IQCK: variants seen among roughly 807,000 people sequenced by gnomAD.
IQCK encodes the protein IQ domain-containing protein K.
In IQCK, 29 loss-of-function variants were observed where a neutral mutation model predicts 28.1. The ratio of observed to expected loss-of-function variants is 1.03; its 90% CI spans 0.77 to 1.41. The LOEUF is 1.41. Ranked by LOEUF, IQCK falls within the 40% of genes most tolerant of loss-of-function variation. The probability of loss-of-function intolerance (pLI) is 0.00; values close to 1 mark genes in which losing one functional copy is unlikely to be tolerated. For synonymous variants in IQCK, 113 were observed against 115.1 expected, an observed-to-expected ratio of 0.98 and a Z score of 0.12; for missense variants, 359 against 314.7, an observed-to-expected ratio of 1.14 and a Z score of -1.07.
At chr16:19,803,525 T>G (rs755637014) in intron 7 of IQCK, among the ~76,000 whole-genome samples, 146 of 152,334 alleles carry the variant, frequency 9.6e-4, no homozygotes, top group Non-Finnish European at 1.8e-3. Context: ...GGAATTGACT[T>G]TGCTACCTAC....
chr16:19,757,643 C>G (rs892280637), intron 4 of IQCK, among the ~76,000 whole-genome samples: 2 of 152,200 alleles, frequency 1.3e-5, no homozygotes, highest in Non-Finnish European at 1.5e-5. Context: ...GCACTCCAGC[C>G]TGGGCAACAG....
intron 7 of IQCK, among the ~76,000 whole-genome samples, chr16:19,804,646 T>G (rs1049861905): frequency 6.6e-6 from 1 of 151,996 alleles, no homozygotes; most frequent in Non-Finnish European, 1.5e-5. Context: ...TGTTGCCTGG[T>G]CTGAAACTCC....
chr16:19,718,895 C>T (rs2151667106), intron 1 of IQCK, among the ~76,000 whole-genome samples: 1 of 152,328 alleles, frequency 6.6e-6, no homozygotes, highest in Admixed American at 6.5e-5. Context: ...AGGGAATCTG[C>T]ACTTTTTAAA....
chr16:19,840,484 C>T (rs2056352479), intron 9 of IQCK, among the ~76,000 whole-genome samples: 1 of 151,994 alleles, frequency 6.6e-6, no homozygotes, highest in Admixed American at 6.6e-5. Context: ...GCCTTTTTTT[C>T]TAAAACAGAA....
intron 9 of IQCK, among the ~76,000 whole-genome samples, chr16:19,843,894 ATATG>A (rs1161094660): frequency 6.6e-6 from 1 of 152,208 alleles, no homozygotes; most frequent in Admixed American, 6.5e-5. Flanking sequence ...AGGCTTCATC[ATATG>A]AATTCTGAGG....
At chr16:19,827,426 A>G (rs1473196759), downstream of IQCK, among the ~76,000 whole-genome samples, 1 of 152,178 alleles carries the variant, frequency 6.6e-6, no homozygotes, top group East Asian at 1.9e-4. Flanking sequence ...ATTATTTTGG[A>G]AACACAGTGT....
intron 1 of IQCK, among the ~76,000 whole-genome samples, chr16:19,722,967 C>T (rs1216289969): frequency 2.6e-5 from 4 of 152,194 alleles, no homozygotes; most frequent in Non-Finnish European, 5.9e-5. Context: ...CCGCCTCAGC[C>T]TCCCAAAGTG....
intron 4 of IQCK, among the ~76,000 whole-genome samples, chr16:19,757,660 ACT>A (rs1005663093): frequency 1.3e-5 from 2 of 151,992 alleles, no homozygotes; most frequent in Non-Finnish European, 2.9e-5. Flanking sequence ...ACAGAGTGAG[ACT>A]CTGTCTCAAA....
At chr16:19,744,431 C>T (rs2151693032) in intron 4 of IQCK, among the ~76,000 whole-genome samples, 1 of 152,246 alleles carries the variant, frequency 6.6e-6, no homozygotes, top group Middle Eastern at 3.4e-3. Flanking sequence ...GCACCTGGCC[C>T]ATCTTAGATA....
chr16:19,732,945 G>A (rs1160205751), intron 2 of IQCK, among the ~76,000 whole-genome samples: 1 of 152,074 alleles, frequency 6.6e-6, no homozygotes, highest in African/African-American at 2.4e-5. Context: ...GGGGAGTGTG[G>A]GCAGCAGGCC....
At position 19,843,834 on chromosome 16, in the gene IQCK, A is replaced by G. The variant is rs534434289; in HGVS notation, c.803-12653A>G. On this transcript the variant is annotated intron_variant, in intron 9 of 9. Transcript: ENST00000320394. The stretch of plus-strand genomic sequence containing the variant: ...GATCAGGTATATACCCTTAACCTTA[A>G]TCACCTCCTTAAAGGTCCTATCTCC... 1.2e-3 allele frequency among the ~76,000 whole-genome samples: 189 copies of G among 152,164 alleles called. 1 individual carries two copies. The highest frequency in any genetic ancestry group is 4.3e-3 in the African/African-American group (179 of 41,506).
chr16:19,783,187 T>G (rs578115583), intron 6 of IQCK, among the ~76,000 whole-genome samples: 3 of 152,138 alleles, frequency 2.0e-5, no homozygotes, highest in East Asian at 3.9e-4. Context: ...TTAGTAGAGA[T>G]GAAGTTTCAC....
chr16:19,775,356 C>T (rs1055232428), intron 6 of IQCK, among the ~76,000 whole-genome samples: 25 of 152,238 alleles, frequency 1.6e-4, no homozygotes, highest in African/African-American at 5.8e-4. Context: ...TTGGGTACCC[C>T]TCATAACATA....
At chr16:19,849,620 G>T (rs1223638323) in intron 9 of IQCK, among the ~76,000 whole-genome samples, 1 of 151,702 alleles carries the variant, frequency 6.6e-6, no homozygotes, top group Admixed American at 6.6e-5. Flanking sequence ...AAAATATTCG[G>T]GCATGGTGGT....
chr16:19,728,838 G>C (rs1183104032), intron 1 of IQCK, among the ~76,000 whole-genome samples: 1 of 152,192 alleles, frequency 6.6e-6, no homozygotes, highest in Non-Finnish European at 1.5e-5. Flanking sequence ...CTTGTCCCCA[G>C]CCTGATGCTT....
rs538286044 is a variant in IQCK, at chr16:19,783,024, A to C, written c.606-5814A>C. Among the ~76,000 whole-genome samples, 3 of 145,080 alleles carry C rather than the reference A, an allele frequency of 2.1e-5. No homozygotes were observed. In the East Asian group the frequency reaches 6.0e-4, roughly 29 times the overall value. ...GTGTGTGTGTGTGTGTGTGAGACGG[A>C]GTCTTGTTGTGTTGTGCAGGCTGGA... On this transcript the variant is annotated intron_variant, in intron 6 of 7. Coordinates refer to ENST00000564186, the Ensembl canonical transcript of IQCK.
At chr16:19,826,773 A>G (rs973568082) in intron 7 of IQCK, among the ~76,000 whole-genome samples, 23 of 152,228 alleles carry the variant, frequency 1.5e-4, no homozygotes, top group African/African-American at 4.8e-4. Context: ...TGGTGGCTGC[A>G]TTATCTTTCT....
chr16:19,729,738 G>T (rs570124288), intron 1 of IQCK, among the ~76,000 whole-genome samples: 1 of 151,436 alleles, frequency 6.6e-6, no homozygotes, highest in Admixed American at 6.6e-5. Context: ...TCCGCCTCCC[G>T]GGTTCACGCC....
At chr16:19,806,184 G>A (rs1370019150) in intron 7 of IQCK, among the ~76,000 whole-genome samples, 1 of 152,154 alleles carries the variant, frequency 6.6e-6, no homozygotes, top group Non-Finnish European at 1.5e-5. Flanking sequence ...GCAGGAGGGT[G>A]CTGGATGTAT....
Sources: allele counts gnomAD v4.1 joint callset (sites outside exome capture counted in the v4.1 genomes callset), GRCh38; gene constraint gnomAD v4.1.1; transcripts MANE v1.5; gene names NCBI Gene and HGNC (gene_info 2026-07-23, HGNC 2026-07-21).